Variants in NAV2 observed in about 807,000 individuals in gnomAD.
NAV2 encodes helicase, APC down-regulated 1.
NAV2 carries 54 observed loss-of-function variants against 223.2 expected under a neutral mutation model. The ratio of observed to expected loss-of-function variants is 0.24; its 90% CI spans 0.19 to 0.30. NAV2 has a LOEUF of 0.30. Ranked by LOEUF, NAV2 falls within the 10% of genes least tolerant of loss-of-function variation. The pLI, the probability that NAV2 is intolerant of heterozygous loss-of-function variation, is 1.00. For missense variants in NAV2, 2,806 were observed against 3,147.5 expected, an observed-to-expected ratio of 0.89 and a Z score of 2.60; for synonymous variants, 1,279 against 1,239.3, an observed-to-expected ratio of 1.03 and a Z score of -0.67.
At chr11:20,074,051 C>T (rs1051136893) in intron 22 of NAV2, among the ~76,000 whole-genome samples, 3 of 152,186 alleles carry the variant, frequency 2.0e-5, no homozygotes, top group East Asian at 1.9e-4. Flanking sequence ...ATCTTTCCTG[C>T]TTTCTCTTGT....
In NAV2 at chr11:20,118,312, T is replaced by C; in HGVS notation, c.*54T>C. On this transcript the variant is annotated 3_prime_UTR_variant, in exon 38 of 38. Coordinates refer to ENST00000349880, the MANE Select transcript of NAV2 (RefSeq NM_145117.5). The stretch of plus-strand genomic sequence containing the variant: ...TTCTCCTCACCGCATTCCACCTGCA[T>C]CCCCCACATCACCCTGAAGATGACT... 1 of 1,594,356 alleles carries C rather than the reference T, an allele frequency of 6.3e-7. No homozygotes were observed. The highest frequency in any genetic ancestry group is 8.5e-7 in the Non-Finnish European group (1 of 1,169,810).
Position 19,630,639 on chromosome 11 carries a change from C to T in NAV2, c.76-201845C>T, listed in dbSNP as rs574636301. Among the ~76,000 whole-genome samples the T allele has an allele frequency of 3.0e-4, 45 of 152,216 alleles. 1 individual carries two copies. Among genetic ancestry groups the T allele is most frequent in the South Asian group, 2.7e-3 (13 of 4,820 alleles). On this transcript the variant is annotated intron_variant, in intron 1 of 37. Coordinates refer to the NAV2 transcript ENST00000360655. ...CAGTGGCTCACATCTCTAATCCCAA[C>T]GCTTTGGGAGGCCAAGGAAGATGGA...
chr11:19,436,645 A>G (rs1051355516), intron 1 of NAV2, among the ~76,000 whole-genome samples: 6 of 152,156 alleles, frequency 3.9e-5, no homozygotes, highest in African/African-American at 1.2e-4. Flanking sequence ...TAGGGATTTC[A>G]TTGAATCTAT....
At chr11:19,582,413 T>C (rs1565071492) in intron 1 of NAV2, among the ~76,000 whole-genome samples, 1 of 152,244 alleles carries the variant, frequency 6.6e-6, no homozygotes. Context: ...CCATTGCTTT[T>C]GGTGTTTTAG....
chr11:19,950,983 CG>C (rs2047349474), intron 10 of NAV2, among the ~76,000 whole-genome samples: 1 of 152,172 alleles, frequency 6.6e-6, no homozygotes, highest in Admixed American at 6.5e-5. Context: ...CTGCCTTCTG[CG>C]TATGGGGCAG....
At chr11:19,555,627 C>T (rs371950657) in intron 1 of NAV2, among the ~76,000 whole-genome samples, 1 of 152,014 alleles carries the variant, frequency 6.6e-6, no homozygotes, top group African/African-American at 2.4e-5. Context: ...TTTTGCCTTC[C>T]CAGATTTTTG....
intron 11 of NAV2, among the ~76,000 whole-genome samples, chr11:20,002,940 A>G (rs1565742932): frequency 6.6e-6 from 1 of 152,210 alleles, no homozygotes; most frequent in Non-Finnish European, 1.5e-5. Flanking sequence ...CCACCTCCTA[A>G]TGATTAAACA....
At position 19,533,898 on chromosome 11, in the gene NAV2, G is replaced by A. The variant is rs1347836601; in HGVS notation, c.75+182871G>A. Among the ~76,000 whole-genome samples, 7 of 138,748 alleles carry A rather than the reference G, an allele frequency of 5.0e-5. No homozygotes were observed. In the East Asian group the frequency reaches 1.4e-3, roughly 27 times the overall value. 91.0% of individuals were successfully genotyped at this position (138,748 alleles called of 152,430 possible). On this transcript the variant is annotated intron_variant, in intron 1 of 37. Coordinates refer to the NAV2 transcript ENST00000360655. ...ATTTTTTGTATTTTTAGTAGAGACG[G>A]GGTTTCACCGTTTTAGCCGGGATGG...
intron 3 of NAV2, among the ~76,000 whole-genome samples, chr11:19,860,053 C>G (rs1241237773): frequency 8.2e-6 from 1 of 122,648 alleles, no homozygotes; most frequent in African/African-American, 3.2e-5. Context: ...TGACCCCCCC[C>G]AACTCCCTCC....
intron 1 of NAV2, among the ~76,000 whole-genome samples, chr11:19,774,919 T>G (rs1401161370): frequency 2.0e-5 from 3 of 152,310 alleles, no homozygotes; most frequent in Middle Eastern, 3.4e-3. Context: ...TCAATGACTT[T>G]CTGCAGATGT....
Position 19,880,122 on chromosome 11 carries a change from G to A in NAV2, c.765G>A (p.Gln255=). The A allele has an allele frequency of 6.3e-7, 1 of 1,580,160 alleles. No individual in the cohort carries two copies. Among genetic ancestry groups the A allele is most frequent in the Non-Finnish European group, 8.6e-7 (1 of 1,161,862 alleles). ...HQQSKAQAEM[Q]SRLPGPTARV... ...AGTCAAAAGCACAAGCTGAAATGCA[G>A]TCCAGGTGGGGGCTCCTTGCCAACT... The change falls in exon 5 of 38, where the codon CAG becomes CAA. Residue 255 remains glutamine, a synonymous_variant. Transcript: ENST00000349880.
intron 1 of NAV2, among the ~76,000 whole-genome samples, chr11:19,423,937 A>G (rs1386659271): frequency 6.6e-6 from 1 of 152,182 alleles, no homozygotes; most frequent in African/African-American, 2.4e-5. Flanking sequence ...AATAGTATGA[A>G]ATCTCTTTAG....
Position 20,119,566 on chromosome 11 carries a change from G to C in NAV2, c.*1308G>C, listed in dbSNP as rs1205375337. 1 of 152,674 alleles carries C rather than the reference G, an allele frequency of 6.5e-6. No homozygotes were observed. Among genetic ancestry groups the C allele is most frequent in the African/African-American group, 2.4e-5 (1 of 41,446 alleles). The allele number at this position is 152,674 out of a possible 1,614,324, so 9.5% of individuals were successfully genotyped here. On this transcript the variant is annotated 3_prime_UTR_variant, in exon 38 of 38. Coordinates refer to ENST00000349880, the MANE Select transcript of NAV2 (RefSeq NM_145117.5). ...TAAGGGTGAGGGTCACTCCCTCCCA[G>C]AAGCCCCGTCTGGACGAGCCTTGCC... is the stretch of plus-strand genomic sequence containing the variant.
chr11:19,553,516 C>CACACAA (rs962034135), intron 1 of NAV2, among the ~76,000 whole-genome samples: 4 of 151,774 alleles, frequency 2.6e-5, no homozygotes, highest in African/African-American at 9.7e-5. Flanking sequence ...AGACCACACA[C>CACACAA]ACACACCTCT....
At chr11:19,396,161 T>A (rs1030834036) in intron 1 of NAV2, among the ~76,000 whole-genome samples, 1 of 152,196 alleles carries the variant, frequency 6.6e-6, no homozygotes, top group Non-Finnish European at 1.5e-5. Context: ...TCAGCAGCTA[T>A]GAAAATACAG....
chr11:19,676,303 C>T (rs996051516), intron 1 of NAV2, among the ~76,000 whole-genome samples: 1 of 151,034 alleles, frequency 6.6e-6, no homozygotes, highest in East Asian at 2.0e-4. Flanking sequence ...GGCTCTCCCA[C>T]CTTCCAGCTG....
rs933679964 is a variant in NAV2, at chr11:19,933,926, A to G, written c.1682A>G (p.His561Arg). 6 of 1,590,270 alleles carry G rather than the reference A, an allele frequency of 3.8e-6. No individual in the cohort carries two copies. Among genetic ancestry groups the G allele is most frequent in the Non-Finnish European group, 5.1e-6 (6 of 1,170,996 alleles). The change falls in exon 7 of 38, where the codon CAC becomes CGC. Residue 561 changes from histidine to arginine, a missense_variant. This residue lies in a region of NAV2 where 1,167 missense variants were observed against 1,180.5 expected (regional missense o/e 0.99). Transcript: ENST00000349880. The surrounding 1 kb of genome is among the most constrained non-coding windows in gnomAD (Gnocchi z 4.3). ...SAKKEPMAPS[H>R]SGIPKPGMKS... Reference sequence around the variant, plus strand: ...AAGAAGGAGCCCATGGCCCCTTCCCACAGTGGAATACCAAAACCAGGAATG... The same window carrying G: ...AAGAAGGAGCCCATGGCCCCTTCCCGCAGTGGAATACCAAAACCAGGAATG...
chr11:19,403,467 T>G (rs72907868), intron 1 of NAV2, among the ~76,000 whole-genome samples: 2 of 152,168 alleles, frequency 1.3e-5, no homozygotes, highest in Non-Finnish European at 2.9e-5. Flanking sequence ...AGCTGCAGGT[T>G]AGCCTAGCAA....
intron 10 of NAV2, among the ~76,000 whole-genome samples, chr11:19,959,228 T>G (rs1192449928): frequency 6.6e-6 from 1 of 151,950 alleles, no homozygotes. Flanking sequence ...TTAAGGAGAG[T>G]GTAGAATATG....
Sources: allele counts gnomAD v4.1 joint callset (sites outside exome capture counted in the v4.1 genomes callset), GRCh38; gene constraint gnomAD v4.1.1; regional missense constraint gnomAD v4.1.1; non-coding constraint Gnocchi (gnomAD v3.1); transcripts MANE v1.5; gene names NCBI Gene and HGNC (gene_info 2026-07-23, HGNC 2026-07-21).